AKAP6: variants seen among roughly 807,000 people sequenced by gnomAD.
The protein encoded by AKAP6 is A-kinase anchoring protein 6, also known as A-kinase anchor protein 6.
AKAP6 carries 58 observed loss-of-function variants against 188.5 expected under a neutral mutation model. That is an observed-to-expected ratio of 0.31 (90% CI 0.25 to 0.38). AKAP6 has a LOEUF of 0.38. AKAP6 is among the 10% of genes least tolerant of loss of function. The pLI, the probability that AKAP6 is intolerant of heterozygous loss-of-function variation, is 1.00. For synonymous variants in AKAP6, 989 were observed against 998.6 expected (o/e 0.99, Z 0.18); for missense variants, 2,710 against 2,740.0 (o/e 0.99, Z 0.24).
intron 10 of AKAP6, 52 bp downstream of exon 10, chr14:32,732,652 G>A: frequency 6.3e-7 from 1 of 1,587,820 alleles, no homozygotes; most frequent in Non-Finnish European, 8.6e-7. Flanking sequence ...TTTTTGCGTA[G>A]TGAAGTACTC....
At chr14:32,438,419 T>C (rs906024793) in intron 2 of AKAP6, among the ~76,000 whole-genome samples, 3 of 152,210 alleles carry the variant, frequency 2.0e-5, no homozygotes, top group Non-Finnish European at 4.4e-5. Context: ...TTTTATCTTC[T>C]GGTCATTGTG....
chr14:32,491,337 C>G (rs1020190143), intron 2 of AKAP6, among the ~76,000 whole-genome samples: 1 of 152,204 alleles, frequency 6.6e-6, no homozygotes, highest in Non-Finnish European at 1.5e-5. Context: ...TTGCTTAGGT[C>G]TAACTGTTAT....
chr14:32,827,829 GA>G (rs1026497845), intron 13 of AKAP6, among the ~76,000 whole-genome samples: 3 of 152,140 alleles, frequency 2.0e-5, no homozygotes, highest in African/African-American at 7.2e-5. Flanking sequence ...TCTGATCTTT[GA>G]TGAATGGTTT....
At chr14:32,803,044 G>A (rs929281634) in intron 12 of AKAP6, among the ~76,000 whole-genome samples, 4 of 152,178 alleles carry the variant, frequency 2.6e-5, no homozygotes, top group African/African-American at 9.7e-5. Context: ...GCTGCAGTGA[G>A]CCAAGATTGC....
At chr14:32,716,383 T>C (rs1316079049) in intron 9 of AKAP6, among the ~76,000 whole-genome samples, 6 of 151,582 alleles carry the variant, frequency 4.0e-5, no homozygotes, top group African/African-American at 1.2e-4. Context: ...ATGTATTACG[T>C]ACTATATCCT....
At chr14:32,465,725 G>A (rs1280218034) in intron 2 of AKAP6, among the ~76,000 whole-genome samples, 2 of 152,110 alleles carry the variant, frequency 1.3e-5, no homozygotes, top group Admixed American at 1.3e-4. Flanking sequence ...AGCCAAAATT[G>A]ACAAATGGGA....
intron 1 of AKAP6, among the ~76,000 whole-genome samples, chr14:32,338,922 C>T (rs909814601): frequency 6.6e-6 from 1 of 152,042 alleles, no homozygotes; most frequent in Non-Finnish European, 1.5e-5. Flanking sequence ...TCAACTCCAG[C>T]CCTGAAACCA....
At chr14:32,645,583 C>CA (rs1478939306) in intron 7 of AKAP6, among the ~76,000 whole-genome samples, 1 of 152,138 alleles carries the variant, frequency 6.6e-6, no homozygotes, top group Admixed American at 6.6e-5. Flanking sequence ...CACCCACCTA[C>CA]ATTGTATATT....
At chr14:32,638,071 G>A (rs910528992) in intron 7 of AKAP6, among the ~76,000 whole-genome samples, 1 of 152,068 alleles carries the variant, frequency 6.6e-6, no homozygotes, top group Non-Finnish European at 1.5e-5. Context: ...CTTGGAAAAG[G>A]CTATAAGAAC....
At chr14:32,597,795 T>G (rs543535815) in intron 5 of AKAP6, among the ~76,000 whole-genome samples, 240 of 152,326 alleles carry the variant, frequency 1.6e-3, no homozygotes, top group Non-Finnish European at 2.8e-3. Context: ...TGACTTACAA[T>G]TATAATAACT....
rs71880805 is a variant in AKAP6, at chr14:32,510,434, ATGTG to A, written c.325-25118_325-25115del. On this transcript the variant is annotated intron_variant, in intron 2 of 13. Coordinates refer to ENST00000280979, the MANE Select transcript of AKAP6 (RefSeq NM_004274.5). ...TATATGTATATATATACATATATAT[ATGTG>A]TATATATATATACATATATATGTGT... Among the ~76,000 whole-genome samples, 242 of 97,098 alleles carry A rather than the reference ATGTG, an allele frequency of 2.5e-3. 4 individuals are homozygous for A. The highest frequency in any genetic ancestry group is 0.01 in the African/African-American group (230 of 22,732). 63.7% of individuals were successfully genotyped at this position (97,098 alleles called of 152,430 possible). A position where few individuals can be genotyped will look rare whatever the true frequency, so the allele number is the denominator to read the frequency against.
chr14:32,535,409 A>G, intron 2 of AKAP6, 145 bp from the exon 3 acceptor site: 3 of 939,116 alleles, frequency 3.2e-6, no homozygotes, highest in South Asian at 3.3e-5. Context: ...GGGTATCTGA[A>G]CTAAAACAAA....
chr14:32,674,518 G>A (rs1439238506), intron 7 of AKAP6, among the ~76,000 whole-genome samples: 1 of 152,146 alleles, frequency 6.6e-6, no homozygotes, highest in Non-Finnish European at 1.5e-5. Context: ...GGAATAACCT[G>A]CTAAAGGAAA....
chr14:32,723,551 ATGTGTTTATGTGTGTG>A (rs910808994), intron 9 of AKAP6, among the ~76,000 whole-genome samples: 9 of 143,636 alleles, frequency 6.3e-5, no homozygotes, highest in East Asian at 6.1e-4. Context: ...ATGTGTGCGT[ATGTGTTTATGTGTGTG>A]TGTGTGTGTG....
intron 8 of AKAP6, among the ~76,000 whole-genome samples, 170 bp downstream of exon 8, chr14:32,678,629 A>G (rs1424955853): frequency 6.6e-6 from 1 of 152,184 alleles, no homozygotes; most frequent in East Asian, 1.9e-4. Context: ...AAGACTGTGG[A>G]TTTCATCAGC....
intron 1 of AKAP6, among the ~76,000 whole-genome samples, chr14:32,374,257 A>G (rs1054709431): frequency 6.6e-6 from 1 of 152,338 alleles, no homozygotes; most frequent in East Asian, 1.9e-4. Flanking sequence ...ATCACAGCTC[A>G]ACACGGTAAG....
chr14:32,742,024 A>T (rs1194852134), intron 11 of AKAP6, among the ~76,000 whole-genome samples: 1 of 151,188 alleles, frequency 6.6e-6, no homozygotes, highest in African/African-American at 2.4e-5. Context: ...TTACTGGGGG[A>T]TTTTTTATTA....
chr14:32,465,019 A>G (rs1878323919), intron 2 of AKAP6, among the ~76,000 whole-genome samples: 1 of 152,190 alleles, frequency 6.6e-6, no homozygotes, highest in Non-Finnish European at 1.5e-5. Flanking sequence ...ATACCAAGAA[A>G]TAAAACTTAC....
chr14:32,512,012 T>G, intron 2 of AKAP6, among the ~76,000 whole-genome samples: 1 of 152,224 alleles, frequency 6.6e-6, no homozygotes, highest in East Asian at 1.9e-4. Flanking sequence ...GTCCCTCATT[T>G]TGTTTCTTTA....
Sources: gnomAD v4.1 joint callset for allele counts (sites outside exome capture counted in the v4.1 genomes callset) on GRCh38, gnomAD v4.1.1 for gene constraint, MANE v1.5 for transcripts, NCBI Gene and HGNC (gene_info 2026-07-23, HGNC 2026-07-21) for gene names.